Variants in FRMPD1 observed in about 807,000 individuals in gnomAD.
FRMPD1 encodes FERM and PDZ domain containing 1, also known as FERM and PDZ domain-containing protein 1.
Under a neutral mutation model 117.8 loss-of-function variants are expected in FRMPD1, and 76 were observed. That is an observed-to-expected ratio of 0.65 (90% confidence interval 0.54 to 0.78). The LOEUF (loss-of-function observed/expected upper bound fraction) is 0.78, where lower values mean the gene tolerates loss of function less well. Ranked by LOEUF, FRMPD1 falls within the 30% of genes least tolerant of loss-of-function variation. FRMPD1 has a pLI of 0.00. For synonymous variants in FRMPD1, 783 were observed against 770.4 expected (o/e 1.02, Z -0.27); for missense variants, 1,786 against 1,964.5 (o/e 0.91, Z 1.72).
chr9:37,676,171 C>A (rs1291638522), intron 1 of FRMPD1, among the ~76,000 whole-genome samples: 1 of 152,102 alleles, frequency 6.6e-6, no homozygotes, highest in African/African-American at 2.4e-5. Flanking sequence ...CACATTAAAT[C>A]CAGAAAAGGC....
chr9:37,647,988 G>C (rs1824173725), upstream of FRMPD1, among the ~76,000 whole-genome samples: 1 of 152,212 alleles, frequency 6.6e-6, no homozygotes, highest in Non-Finnish European at 1.5e-5. Flanking sequence ...ACTTCTTGGA[G>C]CCTCAGTTTC....
chr9:37,741,264 G>A (rs898458155), intron 15 of FRMPD1, among the ~76,000 whole-genome samples: 8 of 152,088 alleles, frequency 5.3e-5, no homozygotes, highest in African/African-American at 1.2e-4. Context: ...CTGCATTAAA[G>A]GAGGCCTTGA....
the FRMPD1 span, among the ~76,000 whole-genome samples, chr9:37,612,451 C>T: frequency 3.3e-5 from 5 of 151,770 alleles, no homozygotes; most frequent in African/African-American, 7.3e-5. Context: ...CGGGTTCCAG[C>T]GATTCTCCTG....
intron 1 of FRMPD1, among the ~76,000 whole-genome samples, chr9:37,673,053 C>T (rs1821408954): frequency 2.0e-5 from 3 of 152,140 alleles, no homozygotes; most frequent in South Asian, 4.2e-4. Context: ...CCAATAGTTC[C>T]CCAAAGTCTT....
At chr9:37,636,681 G>C in the FRMPD1 span, 2 of 1,538,078 alleles carry the variant, frequency 1.3e-6, no homozygotes, top group African/African-American at 1.4e-5. Flanking sequence ...CCACTCCAGT[G>C]CCCCTCCTAG....
the FRMPD1 span, among the ~76,000 whole-genome samples, chr9:37,605,113 A>T: frequency 6.6e-6 from 1 of 152,212 alleles, no homozygotes; most frequent in African/African-American, 2.4e-5. Flanking sequence ...GTGCATATAT[A>T]ACCTTTTGAT....
At position 37,740,786 on chromosome 9, in the gene FRMPD1, C is replaced by T. The variant is rs1450822164; in HGVS notation, c.2258C>T (p.Pro753Leu). The T allele has an allele frequency of 6.2e-7, 1 of 1,614,026 alleles. No homozygotes were observed. Among genetic ancestry groups the T allele is most frequent in the Non-Finnish European group, 8.5e-7 (1 of 1,179,870 alleles). ...GCCCAGCCCAGTTCCATGCTGGAAC[C>T]CCTGGCCCTGCACCCACCACTGGCC... ...TEAQPSSMLEPLALHPPLAFE... is the reference protein window; with the variant it reads ...TEAQPSSMLELLALHPPLAFE... Residue 753 changes from proline to leucine, a missense_variant, in exon 15 of 16, where the codon CCC becomes CTC. Physicochemically the swap from Pro to Leu is moderately conservative, Grantham distance 98 (BLOSUM62 -3). Coordinates refer to ENST00000377765, the MANE Select transcript of FRMPD1 (RefSeq NM_014907.3). This position sits in a 1 kb window ranked among gnomAD's most constrained non-coding sequence, Gnocchi z 4.2.
At chr9:37,617,690 C>A in the FRMPD1 span, among the ~76,000 whole-genome samples, 1 of 152,184 alleles carries the variant, frequency 6.6e-6, no homozygotes, top group Non-Finnish European at 1.5e-5. Flanking sequence ...AGGTGGATTA[C>A]TTTCTAAATG....
chr9:37,717,164 T>C (rs956340443), intron 5 of FRMPD1, among the ~76,000 whole-genome samples: 2 of 152,022 alleles, frequency 1.3e-5, no homozygotes, highest in East Asian at 1.9e-4. Flanking sequence ...GGTCTACCAA[T>C]ATGGACTTCT....
At chr9:37,637,566 TA>T in the FRMPD1 span, among the ~76,000 whole-genome samples, 1 of 152,310 alleles carries the variant, frequency 6.6e-6, no homozygotes, top group African/African-American at 2.4e-5. Context: ...AAGCAAGCAC[TA>T]ATCTGTTTTC....
chr9:37,648,523 T>C (rs901737356), upstream of FRMPD1, among the ~76,000 whole-genome samples: 3 of 151,852 alleles, frequency 2.0e-5, no homozygotes, highest in African/African-American at 7.3e-5. Context: ...AGGATGAAAA[T>C]AGGAAAGACT....
intron 1 of FRMPD1, among the ~76,000 whole-genome samples, chr9:37,670,764 G>A (rs988485972): frequency 6.6e-6 from 1 of 152,246 alleles, no homozygotes; most frequent in African/African-American, 2.4e-5. Flanking sequence ...GAAGTAGACT[G>A]AAGTATGTGA....
the FRMPD1 span, among the ~76,000 whole-genome samples, chr9:37,619,083 G>C: frequency 1.3e-5 from 2 of 152,188 alleles, no homozygotes; most frequent in Non-Finnish European, 2.9e-5. Context: ...CCAGCCCCAA[G>C]TGACTAATGT....
intron 2 of FRMPD1, among the ~76,000 whole-genome samples, chr9:37,701,406 A>G (rs1343585731): frequency 6.6e-6 from 1 of 152,140 alleles, no homozygotes; most frequent in African/African-American, 2.4e-5. Flanking sequence ...AGATATTTCC[A>G]CCAAAATCAG....
Position 37,746,213 on chromosome 9 carries a change from CGAG to C in FRMPD1, c.4184_4186del (p.Arg1395del). The stretch of plus-strand genomic sequence containing the variant: ...CACAGCTGCACCACCGCACCCCTGT[CGAG>C]GAAAAGCCACATCTGGCCAGAGTAC... On this transcript the variant is annotated inframe_deletion, in exon 16 of 16. Coordinates refer to ENST00000377765, the MANE Select transcript of FRMPD1 (RefSeq NM_014907.3). 1 of 1,613,262 alleles carries C rather than the reference CGAG, an allele frequency of 6.2e-7. No individual in the cohort carries two copies.
chr9:37,724,577 A>G (rs1471745023), intron 7 of FRMPD1, among the ~76,000 whole-genome samples: 1 of 152,090 alleles, frequency 6.6e-6, no homozygotes, highest in East Asian at 1.9e-4. Flanking sequence ...TGACTTGCCC[A>G]AAGGTCAGAT....
intron 1 of FRMPD1, among the ~76,000 whole-genome samples, chr9:37,668,888 A>G (rs1249853660): frequency 1.3e-5 from 2 of 152,212 alleles, no homozygotes; most frequent in East Asian, 1.9e-4. Flanking sequence ...ATCATTTTAT[A>G]TATAAATAAG....
the FRMPD1 span, among the ~76,000 whole-genome samples, chr9:37,632,000 C>T: frequency 6.6e-6 from 1 of 152,202 alleles, no homozygotes; most frequent in East Asian, 1.9e-4. Context: ...CATTACAATA[C>T]ATATACTGGT....
chr9:37,711,341 T>C lies in FRMPD1; in HGVS notation c.363-9T>C. Reference sequence around the variant, plus strand: ...TAAATGTTTTTGTCTTTATTCTTTCTTTTTTCAGGGAAGCAGAAGATTCTC... The same window carrying C: ...TAAATGTTTTTGTCTTTATTCTTTCCTTTTTCAGGGAAGCAGAAGATTCTC... On this transcript the variant is annotated splice_polypyrimidine_tract_variant and intron_variant, in intron 4 of 15. Transcript: ENST00000377765. 1 of 1,598,290 alleles carries C rather than the reference T, an allele frequency of 6.3e-7. No individual in the cohort carries two copies. Among genetic ancestry groups the C allele is most frequent in the Non-Finnish European group, 8.6e-7 (1 of 1,165,674 alleles).
Sources: allele counts gnomAD v4.1 joint callset (sites outside exome capture counted in the v4.1 genomes callset), GRCh38; gene constraint gnomAD v4.1.1; non-coding constraint Gnocchi (gnomAD v3.1); transcripts MANE v1.5; gene names NCBI Gene and HGNC (gene_info 2026-07-23, HGNC 2026-07-21).